The following HEATR5A variants were observed in gnomAD, a reference collection of about 807,000 sequenced individuals.
HEATR5A encodes the protein HEAT repeat containing 5A.
Under a neutral mutation model 218.8 loss-of-function variants are expected in HEATR5A, and 178 were observed. The ratio of observed to expected loss-of-function variants is 0.81; its 90% CI spans 0.72 to 0.92. HEATR5A has a LOEUF of 0.92. HEATR5A is among the 40% of genes least tolerant of loss of function. The pLI, the probability that HEATR5A is intolerant of heterozygous loss-of-function variation, is 0.00. For synonymous variants in HEATR5A, 864 were observed against 871.6 expected, an observed-to-expected ratio of 0.99 and a Z score of 0.15; for missense variants, 2,420 against 2,418.9, an observed-to-expected ratio of 1.00 and a Z score of -0.01.
chr14:31,372,979 C>T (rs1902096014), intron 12 of HEATR5A, among the ~76,000 whole-genome samples: 1 of 140,464 alleles, frequency 7.1e-6, no homozygotes, highest in South Asian at 2.7e-4. Context: ...CTCACTGTTA[C>T]CCAGGCTGGA....
chr14:31,339,954 G>A (rs1228829267), intron 21 of HEATR5A, among the ~76,000 whole-genome samples: 5 of 152,162 alleles, frequency 3.3e-5, no homozygotes, highest in African/African-American at 9.7e-5. Flanking sequence ...CAAAGCAGGT[G>A]CAGCATTTAT....
intron 14 of HEATR5A, among the ~76,000 whole-genome samples, chr14:31,360,735 C>T (rs1048734960): frequency 6.6e-6 from 1 of 152,160 alleles, no homozygotes; most frequent in African/African-American, 2.4e-5. Context: ...GTGATATCCA[C>T]TGATCAGAAG....
At position 31,315,961 on chromosome 14, in the gene HEATR5A, G is replaced by T. The variant is rs1899898265; in HGVS notation, c.4039-12C>A. The T allele has an allele frequency of 6.6e-7, 1 of 1,519,932 alleles. No homozygotes were observed. Among genetic ancestry groups the T allele is most frequent in the Non-Finnish European group, 8.8e-7 (1 of 1,131,312 alleles). The allele number at this position is 1,519,932 out of a possible 1,614,324, so 94.2% of individuals were successfully genotyped here. Reference sequence around the variant, plus strand: ...CAGGCACTGCAAACCTAGTTTTCAAGAAATTAAAAGTTATATTTTAAAATT... The same window carrying T: ...CAGGCACTGCAAACCTAGTTTTCAATAAATTAAAAGTTATATTTTAAAATT... On this transcript the variant is annotated splice_polypyrimidine_tract_variant and intron_variant, in intron 26 of 35. Coordinates refer to ENST00000543095, the MANE Select transcript of HEATR5A (RefSeq NM_015473.4).
At chr14:31,336,951 C>T (rs1023404656) in intron 22 of HEATR5A, among the ~76,000 whole-genome samples, 1 of 152,172 alleles carries the variant, frequency 6.6e-6, no homozygotes, top group Admixed American at 6.5e-5. Flanking sequence ...TAGCCTATTA[C>T]TCATAGGCTA....
intron 31 of HEATR5A, 113 bp downstream of exon 31, chr14:31,306,619 G>T: frequency 8.9e-7 from 1 of 1,128,920 alleles, no homozygotes; most frequent in South Asian, 2.0e-5. Context: ...GCCTAGACAT[G>T]TTTTATTTGT....
chr14:31,316,060 A>G (rs1485595524), intron 26 of HEATR5A, 111 bp from the exon 27 acceptor site: 2 of 774,784 alleles, frequency 2.6e-6, no homozygotes, highest in Admixed American at 6.0e-5. Flanking sequence ...ACGCAGGCAG[A>G]TCGCTTGAGC....
At position 31,306,930 on chromosome 14, in the gene HEATR5A, T is replaced by A. The variant is rs535299834; in HGVS notation, c.4819-51A>T. On this transcript the variant is annotated intron_variant, in intron 30 of 35. Coordinates refer to ENST00000543095, the MANE Select transcript of HEATR5A (RefSeq NM_015473.4). ...ACTGTATTAGAAATTATACATTTCT[T>A]TTGTAAAAAATACCAATGCTAAATG... The A allele has an allele frequency of 9.9e-6, 14 of 1,415,278 alleles. No homozygotes were observed. In the South Asian group the frequency reaches 1.8e-4, roughly 18 times the overall value. The allele number at this position is 1,415,278 out of a possible 1,614,324, so 87.7% of individuals were successfully genotyped here.
chr14:31,326,000 T>C, intron 23 of HEATR5A, 163 bp downstream of exon 23: 3 of 631,436 alleles, frequency 4.8e-6, no homozygotes, highest in Non-Finnish European at 8.3e-6. Context: ...TACAGAGAAT[T>C]CTAAAACACT....
At chr14:31,375,366 T>C (rs143132881) in intron 11 of HEATR5A, among the ~76,000 whole-genome samples, 1 of 152,308 alleles carries the variant, frequency 6.6e-6, no homozygotes, top group Non-Finnish European at 1.5e-5. Context: ...AAATGCAAAG[T>C]ACAATTATTA....
chr14:31,380,445 T>C (rs1393475778), intron 11 of HEATR5A, 22 bp downstream of exon 11: 7 of 1,465,828 alleles, frequency 4.8e-6, no homozygotes. Flanking sequence ...TCAAGGTATG[T>C]AAACCTTCTA....
chr14:31,386,423 T>C lies in HEATR5A; in HGVS notation c.1342A>G (p.Thr448Ala). 6.2e-7 allele frequency: 1 copy of C among 1,613,390 alleles called. No individual in the cohort carries two copies. The highest frequency in any genetic ancestry group is 8.5e-7 in the Non-Finnish European group (1 of 1,179,494). Residue 448 changes from threonine to alanine, a missense_variant, in exon 9 of 36, where the codon ACA (threonine) becomes GCA (alanine). By Grantham distance (58) the Thr-to-Ala change is moderately conservative (BLOSUM62 0). Coordinates refer to ENST00000543095, the MANE Select transcript of HEATR5A (RefSeq NM_015473.4). ...AATGAGTCACAAACAGATATACCTG[T>C]ACTTGAATCCTGTAGCAAAGGTGCC... is the stretch of plus-strand genomic sequence containing the variant. ...TAAPLLQDSS[T>A]GLLDSILSVI... is the part of the protein sequence containing the mutation.
chr14:31,389,202 A>C (rs897356035), intron 6 of HEATR5A, among the ~76,000 whole-genome samples, 197 bp from the exon 7 acceptor site: 4 of 152,242 alleles, frequency 2.6e-5, no homozygotes, highest in Non-Finnish European at 5.9e-5. Flanking sequence ...TGGACCCTGA[A>C]GTGCATGTCA....
At chr14:31,321,040 G>A (rs778344782) in intron 25 of HEATR5A, among the ~76,000 whole-genome samples, 27 of 152,132 alleles carry the variant, frequency 1.8e-4, no homozygotes, top group Middle Eastern at 6.8e-3. Context: ...ATCCCAATTC[G>A]GTTCATAGAC....
intron 21 of HEATR5A, among the ~76,000 whole-genome samples, 152 bp downstream of exon 21, chr14:31,343,744 T>C (rs1005041693): frequency 4.6e-5 from 7 of 152,194 alleles, no homozygotes; most frequent in African/African-American, 1.7e-4. Context: ...AGCTGCCCCC[T>C]ACTCCCGAAA....
intron 7 of HEATR5A, among the ~76,000 whole-genome samples, chr14:31,388,419 GA>G (rs1286142621): frequency 1.3e-5 from 2 of 152,164 alleles, no homozygotes; most frequent in African/African-American, 4.8e-5. Context: ...TTTAAGCACT[GA>G]AGTAAACTAC....
In HEATR5A at chr14:31,398,768, A is replaced by G; in HGVS notation, c.352T>C (p.Cys118Arg). The change falls in exon 4 of 36, where the codon TGT becomes CGT. Residue 118 changes from cysteine (C) to arginine (R), a missense_variant. By Grantham distance (180) the Cys-to-Arg change is radical (BLOSUM62 -3). Transcript: ENST00000543095. ...YLPTKLAAVV[C>R]LGSLYKKLGR... ...AACTTCTTGTACAAGGAACCCAAAC[A>G]TACCACAGCAGCACTGAAACAACAT... The G allele has an allele frequency of 6.6e-7, 1 of 1,521,310 alleles. No individual in the cohort carries two copies. Among genetic ancestry groups the G allele is most frequent in the Non-Finnish European group, 8.8e-7 (1 of 1,133,412 alleles). 94.2% of individuals were successfully genotyped at this position (1,521,310 alleles called of 1,614,324 possible). A position where few individuals can be genotyped will look rare whatever the true frequency, so the allele number is the denominator to read the frequency against.
At chr14:31,405,059 C>CAAAAAA (rs386381028) in intron 1 of HEATR5A, among the ~76,000 whole-genome samples, 11 of 97,824 alleles carry the variant, frequency 1.1e-4, no homozygotes, top group Middle Eastern at 6.8e-3. Context: ...CTGTCTCCAC[C>CAAAAAA]AAAAAAAAAA....
intron 22 of HEATR5A, among the ~76,000 whole-genome samples, chr14:31,333,967 A>C (rs1900563144): frequency 6.7e-6 from 1 of 148,626 alleles, no homozygotes. Context: ...GAGCCTGGAA[A>C]GTAGAGGCTG....
chr14:31,339,824 TC>T (rs554572494), intron 21 of HEATR5A, among the ~76,000 whole-genome samples: 163 of 152,278 alleles, frequency 1.1e-3, no homozygotes, highest in African/African-American at 3.6e-3. Context: ...TGTTTACTCA[TC>T]CCCAAGATTA....
Sources: allele counts gnomAD v4.1 joint callset (sites outside exome capture counted in the v4.1 genomes callset), GRCh38; gene constraint gnomAD v4.1.1; transcripts MANE v1.5; gene names NCBI Gene and HGNC (gene_info 2026-07-23, HGNC 2026-07-21).